CHST12: variants seen among roughly 807,000 people sequenced by gnomAD.
CHST12 encodes the protein carbohydrate (chondroitin 4) sulfotransferase 12.
In CHST12, 23 loss-of-function variants were observed where a neutral mutation model predicts 27.9. That is an observed-to-expected ratio of 0.82 (90% confidence interval 0.59 to 1.17). The LOEUF (loss-of-function observed/expected upper bound fraction) is 1.17. Among genes scored for constraint, CHST12 ranks in the 50% most tolerant of loss-of-function variants. The pLI, the probability that CHST12 is intolerant of heterozygous loss-of-function variation, is 0.00. For synonymous variants in CHST12, 322 were observed against 273.0 expected (o/e 1.18, Z -1.77); for missense variants, 682 against 603.0 (o/e 1.13, Z -1.37).
chr7:2,415,881 TG>T (rs1295614397), intron 1 of CHST12, among the ~76,000 whole-genome samples: 1 of 152,200 alleles, frequency 6.6e-6, no homozygotes, highest in Non-Finnish European at 1.5e-5. Context: ...CCCAAAGTGC[TG>T]GGATTACAAG....
chr7:2,412,436 A>C (rs923220589), intron 1 of CHST12, among the ~76,000 whole-genome samples: 4 of 152,228 alleles, frequency 2.6e-5, no homozygotes, highest in African/African-American at 9.6e-5. Context: ...TAGTGTCTGT[A>C]AAGCTGGAAA....
chr7:2,421,021 C>T (rs2115413964), intron 1 of CHST12, among the ~76,000 whole-genome samples: 1 of 151,810 alleles, frequency 6.6e-6, no homozygotes, highest in Admixed American at 6.6e-5. Flanking sequence ...AGTCACTGCA[C>T]CTGGCCCCTC....
chr7:2,415,820 T>G (rs1311440747), intron 1 of CHST12, among the ~76,000 whole-genome samples: 1 of 152,076 alleles, frequency 6.6e-6, no homozygotes, highest in East Asian at 1.9e-4. Context: ...TTTACCGTGT[T>G]AGCCAGGATG....
Position 2,434,169 on chromosome 7 carries a change from G to T in CHST12, c.*285G>T, listed in dbSNP as rs2969077. On this transcript the variant is annotated 3_prime_UTR_variant, in exon 2 of 2. Coordinates refer to ENST00000618655, the MANE Select transcript of CHST12 (RefSeq NM_018641.5). The stretch of plus-strand genomic sequence containing the variant: ...CTGTGGTTTTTCTGAGCGTGCGGGC[G>T]CCGGGAGGGGATGCTGAGGCTGATG... 34,657 of 259,194 alleles carry T rather than the reference G, an allele frequency of 0.13. 2,795 individuals carry two copies. Among genetic ancestry groups the T allele is most frequent in the African/African-American group, 0.24 (10,443 of 43,842 alleles). 16.1% of individuals were successfully genotyped at this position (259,194 alleles called of 1,614,324 possible). A position where few individuals can be genotyped will look rare whatever the true frequency, so the allele number is the denominator to read the frequency against.
At position 2,414,111 on chromosome 7, in the gene CHST12, CTTCTT is replaced by C. The variant is rs201500054; in HGVS notation, c.-78+10441_-78+10445del. Among the ~76,000 whole-genome samples the C allele has an allele frequency of 4.0e-3, 609 of 152,118 alleles. 20 individuals carry two copies. The highest frequency in any genetic ancestry group is 0.036 in the Admixed American group (554 of 15,252). On this transcript the variant is annotated intron_variant, in intron 1 of 1. Transcript: ENST00000618655. The stretch of plus-strand genomic sequence containing the variant: ...ATGTGCTTTCTGACTATTTGTATCT[CTTCTT>C]TTGTGAAACGTCTGTTCAAATTTTT...
chr7:2,403,816 G>C (rs932757863), intron 1 of CHST12, 143 bp downstream of exon 1: 1 of 152,636 alleles, frequency 6.6e-6, no homozygotes, highest in Non-Finnish European at 1.5e-5. Flanking sequence ...GGCGGGCGCG[G>C]CTTGGGCCTG....
At chr7:2,405,989 C>T (rs1245477159) in intron 1 of CHST12, among the ~76,000 whole-genome samples, 2 of 152,108 alleles carry the variant, frequency 1.3e-5, no homozygotes, top group Non-Finnish European at 1.5e-5. Context: ...CTTGACTACG[C>T]ACAGTCATTG....
chr7:2,403,449 C>CG (rs1481717081), upstream of CHST12: 2 of 121,950 alleles, frequency 1.6e-5, no homozygotes, highest in African/African-American at 2.9e-5. Flanking sequence ...CTCGCGAGGG[C>CG]GGGGGCGGGC....
At position 2,443,501 on chromosome 7, in the gene CHST12, C is replaced by T. The variant is rs568818735; in HGVS notation, c.*9617C>T. ...CCCTGGTGCCAAAAAGGTTGGGGAC[C>T]GCGGCTCTGGAGTATATGCCTAGGA... On this transcript the variant is annotated 3_prime_UTR_variant, in exon 2 of 2. Transcript: ENST00000618655. The T allele has an allele frequency of 2.0e-5, 3 of 152,282 alleles. No individual in the cohort carries two copies. Among genetic ancestry groups the T allele is most frequent in the East Asian group, 3.9e-4 (2 of 5,186 alleles). The allele number at this position is 152,282 out of a possible 1,614,324, so 9.4% of individuals were successfully genotyped here.
intron 1 of CHST12, among the ~76,000 whole-genome samples, chr7:2,417,293 C>T (rs1781836214): frequency 1.3e-5 from 2 of 149,982 alleles, no homozygotes; most frequent in South Asian, 4.2e-4. Context: ...GGCGTGATCT[C>T]AGCTCACTGC....
chr7:2,419,968 CTTTTTTTTTTT>C (rs869252983), intron 1 of CHST12, among the ~76,000 whole-genome samples: 2 of 81,386 alleles, frequency 2.5e-5, no homozygotes, highest in African/African-American at 9.9e-5. Context: ...AAATATTTGT[CTTTTTTTTTTT>C]TTTTTTTTTT....
Position 2,433,519 on chromosome 7 carries a change from G to A in CHST12, c.880G>A (p.Ala294Thr), listed in dbSNP as rs551334726. 5.6e-6 allele frequency: 9 copies of A among 1,612,648 alleles called. No homozygotes were observed. The highest frequency in any genetic ancestry group is 4.5e-5 in the East Asian group (2 of 44,874). Residue 294 changes from alanine to threonine, a missense_variant, in exon 2 of 2, where the codon GCT (alanine) becomes ACT (threonine). Ala to Thr is a moderately conservative substitution (Grantham distance 58). Coordinates refer to ENST00000618655, the MANE Select transcript of CHST12 (RefSeq NM_018641.5). This position sits in a 1 kb window ranked among gnomAD's most constrained non-coding sequence, Gnocchi z 6.1. ...CGCCTCGGCGCGCGAGGCCTTCCGC[G>A]CTGGCCTCAAGGTGTCCTTCGCCAA... is the stretch of plus-strand genomic sequence containing the variant. Reference protein sequence around the residue: ...LPASAREAFRAGLKVSFANFI... With the variant: ...LPASAREAFRTGLKVSFANFI...
intron 1 of CHST12, among the ~76,000 whole-genome samples, chr7:2,420,251 G>C (rs532582996): frequency 2.0e-5 from 3 of 152,166 alleles, no homozygotes; most frequent in Admixed American, 6.5e-5. Flanking sequence ...GGGATTACAG[G>C]TGTGAGCCGC....
In CHST12 at chr7:2,432,903, G is replaced by A. The variant is rs774975904; in HGVS notation, c.264G>A (p.Thr88=). 11 of 1,613,090 alleles carry A rather than the reference G, an allele frequency of 6.8e-6. No homozygotes were observed. The highest frequency in any genetic ancestry group is 1.3e-5 in the African/African-American group (1 of 74,910). The part of the protein sequence containing the change: ...VKQSDLPRKE[T]EQPPAPGSME... ...AGAGCGACCTTCCCAGAAAGGAGAC[G>A]GAGCAGCCGCCTGCGCCGGGGAGCA... The change falls in exon 2 of 2, where the codon ACG becomes ACA. Residue 88 remains threonine (T), a synonymous_variant. Transcript: ENST00000618655.
Position 2,432,638 on chromosome 7 carries a change from G to A in CHST12, c.-2G>A. Reference sequence around the variant, plus strand: ...GAGAGGGCCCAGCCCGCCCGGGGCAGGATGACCAAGGCCCGGCTGTTCCGG... The same window carrying A: ...GAGAGGGCCCAGCCCGCCCGGGGCAAGATGACCAAGGCCCGGCTGTTCCGG... On this transcript the variant is annotated 5_prime_UTR_variant, in exon 2 of 2. Transcript: ENST00000618655. 2 of 1,604,272 alleles carry A rather than the reference G, an allele frequency of 1.2e-6. No individual in the cohort carries two copies. The highest frequency in any genetic ancestry group is 1.7e-6 in the Non-Finnish European group (2 of 1,172,492).
At chr7:2,422,027 C>T (rs1781986863) in intron 1 of CHST12, among the ~76,000 whole-genome samples, 1 of 152,178 alleles carries the variant, frequency 6.6e-6, no homozygotes. Flanking sequence ...GAAAAATAAG[C>T]AGAAGTGCTT....
At chr7:2,428,236 C>T (rs1187906904) in intron 1 of CHST12, among the ~76,000 whole-genome samples, 2 of 151,026 alleles carry the variant, frequency 1.3e-5, no homozygotes, top group Non-Finnish European at 2.9e-5. Flanking sequence ...GCTCTATCAC[C>T]CAGGCTGGAG....
At chr7:2,432,087 A>T (rs1368792411) in intron 1 of CHST12, among the ~76,000 whole-genome samples, 1 of 138,660 alleles carries the variant, frequency 7.2e-6, no homozygotes, top group Non-Finnish European at 1.5e-5. Flanking sequence ...GCTTGCAGTG[A>T]GCCAAGATCG....
At chr7:2,413,271 G>A (rs2115394443) in intron 1 of CHST12, among the ~76,000 whole-genome samples, 1 of 152,306 alleles carries the variant, frequency 6.6e-6, no homozygotes, top group South Asian at 2.1e-4. Flanking sequence ...GTTTTCTTCT[G>A]TACTGTGGAA....
Sources: allele counts gnomAD v4.1 joint callset (sites outside exome capture counted in the v4.1 genomes callset), GRCh38; gene constraint gnomAD v4.1.1; non-coding constraint Gnocchi (gnomAD v3.1); transcripts MANE v1.5; gene names NCBI Gene and HGNC (gene_info 2026-07-23, HGNC 2026-07-21).